SORCS1: variants seen among roughly 807,000 people sequenced by gnomAD.
SORCS1 encodes sortilin related VPS10 domain containing receptor 1, also known as VPS10 domain-containing receptor SorCS1.
SORCS1 carries 60 observed loss-of-function variants against 146.1 expected under a neutral mutation model. The observed-to-expected ratio is 0.41, with a 90% CI of 0.33 to 0.51. SORCS1 has a LOEUF of 0.51. Ranked by LOEUF, SORCS1 falls within the 20% of genes least tolerant of loss-of-function variation. The pLI is 0.21. For synonymous variants in SORCS1, 637 were observed against 584.0 expected (o/e 1.09, Z -1.31); for missense variants, 1,352 against 1,487.6 (o/e 0.91, Z 1.50).
At chr10:107,014,079 C>T (rs1957792019) in intron 1 of SORCS1, among the ~76,000 whole-genome samples, 2 of 151,782 alleles carry the variant, frequency 1.3e-5, no homozygotes, top group Admixed American at 1.3e-4. Flanking sequence ...ATGGTGAAAC[C>T]CCGTCTCTAC....
chr10:106,731,037 T>C (rs999420046), intron 5 of SORCS1, among the ~76,000 whole-genome samples: 5 of 151,960 alleles, frequency 3.3e-5, no homozygotes, highest in Admixed American at 2.0e-4. Context: ...GGGCCGGGCG[T>C]GGTGGCTCAC....
intron 2 of SORCS1, among the ~76,000 whole-genome samples, chr10:106,895,945 G>GTA (rs1455958612): frequency 2.5e-5 from 3 of 118,550 alleles, no homozygotes; most frequent in Non-Finnish European, 5.2e-5. Flanking sequence ...ATATATGTGT[G>GTA]TGTGTGTATA....
At chr10:107,173,592 A>G in the SORCS1 span, among the ~76,000 whole-genome samples, 1 of 152,176 alleles carries the variant, frequency 6.6e-6, no homozygotes, top group Non-Finnish European at 1.5e-5. Flanking sequence ...CCTTTTCTTT[A>G]TGGCTAATGC....
chr10:106,833,064 A>G lies in SORCS1; in HGVS notation c.627-3391T>C, dbSNP rs1156865386. ...TAAACTCTAATCCCAATGTGACAAGATGACAATAGAGTGACTTAGTCAGAT... is the reference window on the plus strand; with the variant it reads ...TAAACTCTAATCCCAATGTGACAAGGTGACAATAGAGTGACTTAGTCAGAT... On this transcript the variant is annotated intron_variant, in intron 2 of 25. Coordinates refer to ENST00000263054, the MANE Select transcript of SORCS1 (RefSeq NM_052918.5). Among the ~76,000 whole-genome samples the G allele has an allele frequency of 2.1e-5, 3 of 143,224 alleles. No homozygotes were observed. In the Admixed American group the frequency reaches 2.1e-4, roughly 10 times the overall value. The allele number at this position is 143,224 out of a possible 152,430, so 94.0% of individuals were successfully genotyped here.
chr10:106,679,513 G>T, intron 11 of SORCS1, 119 bp downstream of exon 11: 1 of 1,036,710 alleles, frequency 9.6e-7, no homozygotes, highest in Non-Finnish European at 1.4e-6. Context: ...TTTTTAGCTT[G>T]CTCATTAAGT....
intron 3 of SORCS1, among the ~76,000 whole-genome samples, chr10:106,789,307 G>A (rs1946206190): frequency 6.6e-6 from 1 of 152,200 alleles, no homozygotes; most frequent in African/African-American, 2.4e-5. Flanking sequence ...ACATTTGGCT[G>A]CCTGCTAATT....
intron 1 of SORCS1, among the ~76,000 whole-genome samples, chr10:107,072,382 T>C (rs1020400496): frequency 6.6e-6 from 1 of 152,144 alleles, no homozygotes; most frequent in Non-Finnish European, 1.5e-5. Context: ...AAATCAGCAA[T>C]TGAAAAAGTT....
intron 8 of SORCS1, 42 bp from the exon 9 acceptor site, chr10:106,699,435 TA>T (rs1178782537): frequency 1.9e-6 from 3 of 1,543,858 alleles, no homozygotes; most frequent in Admixed American, 1.9e-5. Flanking sequence ...AAAAGAGTTT[TA>T]TACATTAACC....
At chr10:106,667,509 TCA>T (rs1851253497) in intron 17 of SORCS1, among the ~76,000 whole-genome samples, 178 bp downstream of exon 17, 1 of 152,258 alleles carries the variant, frequency 6.6e-6, no homozygotes, top group Non-Finnish European at 1.5e-5. Flanking sequence ...AATCTTATTC[TCA>T]CATGAAACTT....
chr10:106,756,274 C>G (rs568321641), intron 5 of SORCS1, among the ~76,000 whole-genome samples: 25 of 152,280 alleles, frequency 1.6e-4, no homozygotes, highest in African/African-American at 6.0e-4. Context: ...AATATTAACA[C>G]TGGTAGCCAG....
chr10:106,738,898 G>T (rs755902437), intron 5 of SORCS1, among the ~76,000 whole-genome samples: 1 of 152,048 alleles, frequency 6.6e-6, no homozygotes, highest in South Asian at 2.1e-4. Flanking sequence ...ATACTGCCCC[G>T]GCTGGTCTTG....
At chr10:107,110,909 A>G (rs904480100) in intron 1 of SORCS1, among the ~76,000 whole-genome samples, 2 of 152,040 alleles carry the variant, frequency 1.3e-5, no homozygotes, top group Admixed American at 1.3e-4. Flanking sequence ...TACTAATGGT[A>G]TCTTGTCCAC....
In SORCS1 at chr10:106,620,256, G is replaced by C. The variant is rs1285004348; in HGVS notation, c.2796+172C>G. 5 of 718,058 alleles carry C rather than the reference G, an allele frequency of 7.0e-6. No individual in the cohort carries two copies. The South Asian group carries it at 7.8e-5, about 11-fold the overall frequency. 44.5% of individuals were successfully genotyped at this position (718,058 alleles called of 1,614,324 possible). A position where few individuals can be genotyped will look rare whatever the true frequency, so the allele number is the denominator to read the frequency against. ...AGAAGGTGGAGAGGGGCCAGAGAGAGAGAGAGAGAGAACATAATGATGAGA... is the reference window on the plus strand; with the variant it reads ...AGAAGGTGGAGAGGGGCCAGAGAGACAGAGAGAGAGAACATAATGATGAGA... On this transcript the variant is annotated intron_variant, in intron 20 of 25. Coordinates refer to ENST00000263054, the MANE Select transcript of SORCS1 (RefSeq NM_052918.5).
chr10:107,017,121 T>C (rs1010513181), intron 1 of SORCS1, among the ~76,000 whole-genome samples: 1 of 152,222 alleles, frequency 6.6e-6, no homozygotes, highest in African/African-American at 2.4e-5. Context: ...AAGCCATGCT[T>C]ACTCTATAAC....
intron 3 of SORCS1, among the ~76,000 whole-genome samples, chr10:106,791,524 ACT>A (rs1027122077): frequency 2.6e-5 from 4 of 151,496 alleles, no homozygotes; most frequent in Non-Finnish European, 5.9e-5. Context: ...ACACTGTGAA[ACT>A]CTCTCTCTAT....
intron 1 of SORCS1, among the ~76,000 whole-genome samples, chr10:107,135,098 A>AAAG (rs1967170062): frequency 6.6e-6 from 1 of 152,250 alleles, no homozygotes; most frequent in African/African-American, 2.4e-5. Flanking sequence ...CAAATAATCA[A>AAAG]AAGGGGACTG....
In SORCS1 at chr10:106,618,246, T is replaced by C. The variant is rs746689333; in HGVS notation, c.2823A>G (p.Ile941Met). Residue 941 changes from isoleucine to methionine, a missense_variant, in exon 21 of 26, where the codon ATA (isoleucine) becomes ATG (methionine). By Grantham distance (10) the Ile-to-Met change is conservative (BLOSUM62 1). Around this residue, in one of 3 missense-constraint regions of SORCS1, gnomAD observed 648 missense variants for 793.8 expected, o/e 0.82. Coordinates refer to ENST00000263054, the MANE Select transcript of SORCS1 (RefSeq NM_052918.5). ...TTCCTTCTGAAGTAAATCTGAAGGATATGCTTCCCTCCAAGGTGATCAAAG... is the reference window on the plus strand; with the variant it reads ...TTCCTTCTGAAGTAAATCTGAAGGACATGCTTCCCTCCAAGGTGATCAAAG... ...TEPLITLEGS[I>M]SFRFTSEGMN... 1.2e-6 allele frequency: 2 copies of C among 1,614,044 alleles called. No individual in the cohort carries two copies. Among genetic ancestry groups the C allele is most frequent in the Admixed American group, 1.7e-5 (1 of 60,012 alleles).
chr10:107,158,547 T>C (rs1969467682), intron 1 of SORCS1, among the ~76,000 whole-genome samples: 1 of 152,188 alleles, frequency 6.6e-6, no homozygotes, highest in African/African-American at 2.4e-5. Flanking sequence ...GATGCCCAAC[T>C]CTCCCCTGAC....
chr10:106,997,816 T>G (rs1409786290), intron 1 of SORCS1, among the ~76,000 whole-genome samples: 1 of 152,140 alleles, frequency 6.6e-6, no homozygotes, highest in Non-Finnish European at 1.5e-5. Context: ...TCCAACACAC[T>G]AAGTAGCATT....
Sources: gnomAD v4.1 joint callset for allele counts (sites outside exome capture counted in the v4.1 genomes callset) on GRCh38, gnomAD v4.1.1 for gene constraint, gnomAD v4.1.1 regional missense constraint, MANE v1.5 for transcripts, NCBI Gene and HGNC (gene_info 2026-07-23, HGNC 2026-07-21) for gene names.